The following UBAC2 variants were observed in gnomAD, a reference collection of about 807,000 sequenced individuals.
UBAC2 encodes the protein UBA domain containing 2.
In UBAC2, 26 loss-of-function variants were observed where a neutral mutation model predicts 44.0. The ratio of observed to expected loss-of-function variants is 0.59; its 90% CI spans 0.43 to 0.82. The LOEUF (loss-of-function observed/expected upper bound fraction) is 0.82. Ranked by LOEUF, UBAC2 falls within the 40% of genes least tolerant of loss-of-function variation. UBAC2 has a pLI of 0.00. For synonymous variants in UBAC2, 155 were observed against 154.3 expected (o/e 1.00, Z -0.04); for missense variants, 329 against 419.4 (o/e 0.78, Z 1.88).
At chr13:99,333,293 A>T (rs914217532) in intron 6 of UBAC2, among the ~76,000 whole-genome samples, 2 of 152,236 alleles carry the variant, frequency 1.3e-5, no homozygotes, top group Non-Finnish European at 2.9e-5. Context: ...GTGAAAATCT[A>T]AAACATTGTG....
intron 4 of UBAC2, among the ~76,000 whole-genome samples, chr13:99,310,845 G>GTACTTTATTAC (rs2044401784): frequency 6.6e-6 from 1 of 152,116 alleles, no homozygotes; most frequent in Non-Finnish European, 1.5e-5. Context: ...ATTACTAAAT[G>GTACTTTATTAC]TAAACAGAAG....
chr13:99,254,999 G>A, intron 4 of UBAC2: 1 of 1,614,144 alleles, frequency 6.2e-7, no homozygotes, highest in African/African-American at 1.3e-5. Context: ...GCCTGAAATT[G>A]TTTTGAAACG....
chr13:99,358,133 C>T (rs1411166672), intron 7 of UBAC2, among the ~76,000 whole-genome samples: 2 of 152,088 alleles, frequency 1.3e-5, no homozygotes, highest in East Asian at 1.9e-4. Context: ...GGCTCCCCAG[C>T]AGGAGTAGAG....
intron 6 of UBAC2, among the ~76,000 whole-genome samples, chr13:99,329,197 T>G (rs941161857): frequency 2.6e-5 from 4 of 152,244 alleles, no homozygotes; most frequent in Non-Finnish European, 5.9e-5. Flanking sequence ...ACTACAGCTT[T>G]ATGGTAAGTC....
At chr13:99,384,889 G>A (rs778413731) in intron 8 of UBAC2, among the ~76,000 whole-genome samples, 1 of 152,230 alleles carries the variant, frequency 6.6e-6, no homozygotes, top group African/African-American at 2.4e-5. Context: ...ATCAAACGAC[G>A]CTGAGTCGTG....
At chr13:99,216,979 T>C (rs534092434) in intron 1 of UBAC2, among the ~76,000 whole-genome samples, 28 of 151,914 alleles carry the variant, frequency 1.8e-4, no homozygotes, top group South Asian at 6.2e-4. Context: ...TACAGGCGCC[T>C]GCCACCATGA....
intron 1 of UBAC2, among the ~76,000 whole-genome samples, chr13:99,229,984 C>T (rs541381302): frequency 3.3e-5 from 5 of 152,316 alleles, no homozygotes; most frequent in Non-Finnish European, 5.9e-5. Context: ...AATTGTCATA[C>T]ACCTTTCTGA....
chr13:99,208,056 G>A (rs1051125702), intron 1 of UBAC2, among the ~76,000 whole-genome samples: 1 of 147,796 alleles, frequency 6.8e-6, no homozygotes, highest in African/African-American at 2.5e-5. Context: ...GGAGTGCAAT[G>A]GCGTGATCTT....
intron 1 of UBAC2, 72 bp from the exon 2 acceptor site, chr13:99,238,355 T>A (rs2043263289): frequency 6.5e-7 from 1 of 1,545,908 alleles, no homozygotes; most frequent in East Asian, 2.3e-5. Context: ...TGAATTCTCT[T>A]GCTTTTCACG....
chr13:99,219,173 T>C (rs2043028443), intron 1 of UBAC2, among the ~76,000 whole-genome samples: 1 of 152,128 alleles, frequency 6.6e-6, no homozygotes, highest in Non-Finnish European at 1.5e-5. Flanking sequence ...CTTTTTGATG[T>C]GTGTATTTTT....
In UBAC2 at chr13:99,232,399, G is replaced by GAGATAGATATATATAT. The variant is rs1367302629; in HGVS notation, c.32-6027_32-6026insGATAGATATATATATA. On this transcript the variant is annotated intron_variant, in intron 1 of 8. Transcript: ENST00000403766. The stretch of plus-strand genomic sequence containing the variant: ...AGACCCTGTCCATCCTTAGTTGAGA[G>GAGATAGATATATATAT]ATATAGATATATATATATATATTCA... Among the ~76,000 whole-genome samples the GAGATAGATATATATAT allele has an allele frequency of 2.3e-3, 256 of 109,952 alleles. 3 individuals are homozygous for GAGATAGATATATATAT. The highest frequency in any genetic ancestry group is 5.6e-3 in the African/African-American group (197 of 35,172). The allele number at this position is 109,952 out of a possible 152,430, so 72.1% of individuals were successfully genotyped here. A position where few individuals can be genotyped will look rare whatever the true frequency, so the allele number is the denominator to read the frequency against.
At chr13:99,306,846 A>G (rs1260059515) in intron 4 of UBAC2, among the ~76,000 whole-genome samples, 1 of 152,166 alleles carries the variant, frequency 6.6e-6, no homozygotes, top group Non-Finnish European at 1.5e-5. Flanking sequence ...TGTAGACCAA[A>G]AAGTACCGTT....
intron 4 of UBAC2, among the ~76,000 whole-genome samples, chr13:99,245,076 C>G (rs1184142364): frequency 1.3e-5 from 2 of 152,118 alleles, no homozygotes; most frequent in African/African-American, 2.4e-5. Context: ...TCAGGTGATC[C>G]ACCCGCCTCG....
chr13:99,269,080 C>G (rs1431567009), intron 4 of UBAC2, among the ~76,000 whole-genome samples: 1 of 152,134 alleles, frequency 6.6e-6, no homozygotes, highest in African/African-American at 2.4e-5. Flanking sequence ...CTCACTGTCT[C>G]AAGATGAGGT....
chr13:99,316,505 G>C, intron 5 of UBAC2, among the ~76,000 whole-genome samples: 1 of 151,990 alleles, frequency 6.6e-6, no homozygotes, highest in East Asian at 1.9e-4. Context: ...CCAATGACTT[G>C]AGAGCCCATA....
chr13:99,245,450 T>G (rs1462010937), intron 4 of UBAC2, among the ~76,000 whole-genome samples: 2 of 152,214 alleles, frequency 1.3e-5, no homozygotes, highest in East Asian at 3.9e-4. Flanking sequence ...TTGTATGCTT[T>G]CATATTGCGT....
rs138609331 is a variant in UBAC2 at position 99,210,597 on chromosome 13, C to A, written c.31+9658C>A. 9.1e-3 allele frequency among the ~76,000 whole-genome samples: 1,376 copies of A among 151,888 alleles called. 19 individuals are homozygous for A. The highest frequency in any genetic ancestry group is 0.031 in the African/African-American group (1,294 of 41,362). ...GGTTCAAGTGATTCTTCTGCCTCAG[C>A]CTCCTGAGTAGCTGGGATTATAGGC... On this transcript the variant is annotated intron_variant, in intron 1 of 8. Transcript: ENST00000403766.
intron 4 of UBAC2, among the ~76,000 whole-genome samples, chr13:99,271,509 T>TA (rs1219541373): frequency 6.6e-6 from 1 of 152,194 alleles, no homozygotes; most frequent in African/African-American, 2.4e-5. Flanking sequence ...GCCATTGTAC[T>TA]AATTTTGGCC....
intron 4 of UBAC2, among the ~76,000 whole-genome samples, chr13:99,285,962 A>G (rs1451366880): frequency 6.6e-6 from 1 of 152,102 alleles, no homozygotes; most frequent in East Asian, 1.9e-4. Flanking sequence ...GACTCTGCCA[A>G]AGTGGTTTGA....
Sources: gnomAD v4.1 joint callset for allele counts (sites outside exome capture counted in the v4.1 genomes callset) on GRCh38, gnomAD v4.1.1 for gene constraint, MANE v1.5 for transcripts, NCBI Gene and HGNC (gene_info 2026-07-23, HGNC 2026-07-21) for gene names.